Variants in AGBL4 observed in about 807,000 individuals in gnomAD.
AGBL4 encodes the protein cytosolic carboxypeptidase 6.
In AGBL4, 58 loss-of-function variants were observed where a neutral mutation model predicts 66.4. The observed-to-expected ratio is 0.87, with a 90% CI of 0.71 to 1.09. The LOEUF (loss-of-function observed/expected upper bound fraction) is 1.09. Ranked by LOEUF, AGBL4 falls within the 50% of genes least tolerant of loss-of-function variation. The pLI, the probability that AGBL4 is intolerant of heterozygous loss-of-function variation, is 0.00. For synonymous variants in AGBL4, 234 were observed against 222.9 expected (o/e 1.05, Z -0.44); for missense variants, 579 against 631.0 (o/e 0.92, Z 0.88).
chr1:49,045,422 T>C lies in AGBL4; in HGVS notation c.594+162A>G, dbSNP rs370527066. Among the ~76,000 whole-genome samples the C allele has an allele frequency of 9.2e-5, 14 of 152,306 alleles. No homozygotes were observed. In the East Asian group the frequency reaches 1.5e-3, roughly 17 times the overall value. ...AACAATACTTTAAAGAATTGTTAAA[T>C]TAATACTAATTATATAATTGTTTAA... On this transcript the variant is annotated intron_variant, in intron 5 of 13. Transcript: ENST00000371839.
intron 3 of AGBL4, among the ~76,000 whole-genome samples, chr1:49,307,070 A>G (rs1052134091): frequency 2.6e-5 from 4 of 152,178 alleles, no homozygotes; most frequent in African/African-American, 9.7e-5. Flanking sequence ...AAATTGCAAT[A>G]CCAGGTAAAG....
chr1:48,742,757 G>T, intron 6 of AGBL4: 1 of 1,600,620 alleles, frequency 6.2e-7, no homozygotes, highest in Non-Finnish European at 8.5e-7. Flanking sequence ...ACTTTTTCCA[G>T]ATCAATGGCG....
At chr1:49,706,489 C>CA (rs1351635630) in intron 2 of AGBL4, among the ~76,000 whole-genome samples, 29 of 152,068 alleles carry the variant, frequency 1.9e-4, no homozygotes, top group Non-Finnish European at 7.4e-5. Flanking sequence ...TTAATCTTTT[C>CA]AAAAAACCAG....
At chr1:50,004,749 C>T (rs894524640) in intron 1 of AGBL4, among the ~76,000 whole-genome samples, 2 of 152,046 alleles carry the variant, frequency 1.3e-5, no homozygotes, top group Non-Finnish European at 2.9e-5. Flanking sequence ...GCCCTTGGAC[C>T]CTGAATAATC....
In AGBL4 at chr1:49,324,737, A is replaced by G. The variant is rs539585475; in HGVS notation, c.283-78873T>C. On this transcript the variant is annotated intron_variant, in intron 3 of 13. Transcript: ENST00000371839. ...CAGAAATCTCTAAATATCAGCTCCA[A>G]TTGGCTTCTCTCACACTCAGAAGCC... Among the ~76,000 whole-genome samples the G allele has an allele frequency of 7.9e-5, 12 of 152,338 alleles. No homozygotes were observed. The South Asian group carries it at 1.9e-3, about 24-fold the overall frequency.
intron 3 of AGBL4, among the ~76,000 whole-genome samples, chr1:49,433,708 T>C (rs1274765499): frequency 6.6e-6 from 1 of 152,192 alleles, no homozygotes; most frequent in Non-Finnish European, 1.5e-5. Context: ...TCTACCTTTT[T>C]AGTAGTTGTA....
intron 6 of AGBL4, among the ~76,000 whole-genome samples, chr1:48,786,485 A>G (rs972399289): frequency 4.6e-5 from 7 of 152,206 alleles, no homozygotes. Flanking sequence ...ATGGGATTTA[A>G]TCCCTGTTCC....
At chr1:49,548,534 C>T (rs951829862) in intron 3 of AGBL4, among the ~76,000 whole-genome samples, 3 of 152,164 alleles carry the variant, frequency 2.0e-5, no homozygotes, top group Non-Finnish European at 2.9e-5. Context: ...TTGAGATGAA[C>T]ATGTGATTTT....
intron 2 of AGBL4, among the ~76,000 whole-genome samples, chr1:49,839,729 T>C (rs1645941764): frequency 6.6e-6 from 1 of 152,190 alleles, no homozygotes; most frequent in South Asian, 2.1e-4. Context: ...GGATAGAAGC[T>C]ACAGGGTTAA....
At chr1:49,585,785 G>A (rs1458231897) in intron 3 of AGBL4, among the ~76,000 whole-genome samples, 1 of 152,172 alleles carries the variant, frequency 6.6e-6, no homozygotes, top group Admixed American at 6.5e-5. Context: ...ATGATAGTGG[G>A]GTGCTGCTAT....
intron 4 of AGBL4, among the ~76,000 whole-genome samples, chr1:49,058,021 G>A (rs980463622): frequency 1.3e-5 from 2 of 152,158 alleles, no homozygotes; most frequent in Non-Finnish European, 2.9e-5. Flanking sequence ...TATTGTGGTG[G>A]AGGGGCTTCT....
intron 3 of AGBL4, among the ~76,000 whole-genome samples, chr1:49,289,104 C>T (rs1644486177): frequency 6.6e-6 from 1 of 151,692 alleles, no homozygotes; most frequent in Admixed American, 6.6e-5. Flanking sequence ...TTGACAGGGG[C>T]TTTAAAACAA....
intron 3 of AGBL4, among the ~76,000 whole-genome samples, chr1:49,545,964 T>G (rs868328169): frequency 6.6e-6 from 1 of 152,136 alleles, no homozygotes; most frequent in Non-Finnish European, 1.5e-5. Flanking sequence ...TTTGTGAGAA[T>G]TGGATGCACC....
chr1:49,173,142 A>G lies in AGBL4; in HGVS notation c.377+72628T>C, dbSNP rs565550344. On this transcript the variant is annotated intron_variant, in intron 4 of 13. Coordinates refer to ENST00000371839, the MANE Select transcript of AGBL4 (RefSeq NM_032785.4). ...CTCAAAAAAAAAAATAGTACTCTATACCAAACCAAGGATCTATATGGGTAG... is the reference window on the plus strand; with the variant it reads ...CTCAAAAAAAAAAATAGTACTCTATGCCAAACCAAGGATCTATATGGGTAG... Among the ~76,000 whole-genome samples the G allele has an allele frequency of 3.9e-5, 6 of 152,308 alleles. No homozygotes were observed. The South Asian group carries it at 1.2e-3, about 32-fold the overall frequency.
rs148822442 is a variant in AGBL4 at position 48,736,311 on chromosome 1, C to T, written c.635-73070G>A. 9.6e-5 allele frequency: 155 copies of T among 1,613,870 alleles called. No individual in the cohort carries two copies. The highest frequency in any genetic ancestry group is 1.3e-4 in the Admixed American group (8 of 59,978). The stretch of plus-strand genomic sequence containing the variant: ...GCATCTTTCTTTTTTTTTGTGGCGA[C>T]GCCTGTGACGCTTCTGTTTTTCAGA... On this transcript the variant is annotated intron_variant, in intron 6 of 13. Coordinates refer to ENST00000371839, the MANE Select transcript of AGBL4 (RefSeq NM_032785.4). The surrounding 1 kb of genome is among the most constrained non-coding windows in gnomAD (Gnocchi z 4.0).
intron 3 of AGBL4, among the ~76,000 whole-genome samples, chr1:49,323,543 C>T (rs540778396): frequency 1.3e-5 from 2 of 151,240 alleles, no homozygotes; most frequent in African/African-American, 2.4e-5. Context: ...GCAATCCGCC[C>T]GTCTCAGCCT....
intron 3 of AGBL4, among the ~76,000 whole-genome samples, chr1:49,304,042 T>C (rs890649036): frequency 3.9e-5 from 6 of 152,352 alleles, no homozygotes; most frequent in Middle Eastern, 3.4e-3. Context: ...ATTTTTGTCA[T>C]GAAATCTGTG....
chr1:49,552,857 T>C (rs888980615), intron 3 of AGBL4, among the ~76,000 whole-genome samples: 1 of 152,184 alleles, frequency 6.6e-6, no homozygotes, highest in Non-Finnish European at 1.5e-5. Context: ...CTATACTCCT[T>C]GTTAATAAAC....
At chr1:49,496,295 A>G (rs960625397) in intron 3 of AGBL4, among the ~76,000 whole-genome samples, 4 of 151,994 alleles carry the variant, frequency 2.6e-5, no homozygotes, top group Admixed American at 6.6e-5. Context: ...ATCATGCATA[A>G]TATGATTTTT....
Sources: allele counts gnomAD v4.1 joint callset (sites outside exome capture counted in the v4.1 genomes callset), GRCh38; gene constraint gnomAD v4.1.1; non-coding constraint Gnocchi (gnomAD v3.1); transcripts MANE v1.5; gene names NCBI Gene and HGNC (gene_info 2026-07-23, HGNC 2026-07-21).